Variants in NEK1 observed in about 807,000 individuals in gnomAD.
NEK1 encodes the protein serine/threonine-protein kinase Nek1.
NEK1 carries 137 observed loss-of-function variants against 182.1 expected under a neutral mutation model. The ratio of observed to expected loss-of-function variants is 0.75; its 90% CI spans 0.65 to 0.87. The LOEUF (loss-of-function observed/expected upper bound fraction) is 0.87, where lower values mean the gene tolerates loss of function less well. Among genes scored for constraint, NEK1 ranks in the 40% least tolerant of loss-of-function variants. NEK1 has a pLI of 0.00. For synonymous variants in NEK1, 513 were observed against 492.2 expected (o/e 1.04, Z -0.56); for missense variants, 1,391 against 1,494.4 (o/e 0.93, Z 1.14).
intron 23 of NEK1, among the ~76,000 whole-genome samples, chr4:169,490,155 C>A (rs544979524): frequency 6.6e-6 from 1 of 152,276 alleles, no homozygotes; most frequent in Admixed American, 6.5e-5. Flanking sequence ...ACAGTCATGG[C>A]TAAAGTACCT....
intron 19 of NEK1, among the ~76,000 whole-genome samples, chr4:169,513,959 G>A (rs918066502): frequency 7.7e-6 from 1 of 129,156 alleles, no homozygotes; most frequent in Non-Finnish European, 1.6e-5. Context: ...TTTTATTGAG[G>A]ATTTTTGTTA....
intron 4 of NEK1, among the ~76,000 whole-genome samples, chr4:169,600,397 A>G (rs1030116466): frequency 6.6e-6 from 1 of 151,860 alleles, no homozygotes; most frequent in Non-Finnish European, 1.5e-5. Context: ...CAAACACCCT[A>G]TGTTTCCCAG....
chr4:169,552,587 G>C (rs188814320), intron 18 of NEK1, among the ~76,000 whole-genome samples: 26 of 152,146 alleles, frequency 1.7e-4, no homozygotes, highest in African/African-American at 6.3e-4. Flanking sequence ...GGAAGTTCTA[G>C]CTAATGCAAT....
At chr4:169,510,428 T>A (rs1161883525) in intron 19 of NEK1, among the ~76,000 whole-genome samples, 1 of 152,198 alleles carries the variant, frequency 6.6e-6, no homozygotes, top group Non-Finnish European at 1.5e-5. Flanking sequence ...ATTTGCCTCT[T>A]ACCTACTATA....
chr4:169,541,226 G>C (rs1048650643), intron 18 of NEK1, among the ~76,000 whole-genome samples: 1 of 152,102 alleles, frequency 6.6e-6, no homozygotes, highest in African/African-American at 2.4e-5. Flanking sequence ...CGATGTAATG[G>C]AACGAAACTG....
intron 18 of NEK1, among the ~76,000 whole-genome samples, chr4:169,543,110 T>C (rs184851799): frequency 6.6e-6 from 1 of 152,288 alleles, no homozygotes; most frequent in East Asian, 1.9e-4. Context: ...CTAGGGTTTT[T>C]AGGGTTTTAG....
intron 19 of NEK1, 42 bp from the exon 20 acceptor site, chr4:169,508,894 G>C (rs750615944): frequency 1.9e-5 from 27 of 1,454,484 alleles, no homozygotes; most frequent in Non-Finnish European, 9.4e-6. Flanking sequence ...AATGACTAAG[G>C]CTACATTATT....
chr4:169,457,919 C>G (rs918616647), intron 27 of NEK1, among the ~76,000 whole-genome samples: 1 of 151,868 alleles, frequency 6.6e-6, no homozygotes, highest in African/African-American at 2.4e-5. Flanking sequence ...AATTAAAGAA[C>G]AATAAAGAGA....
chr4:169,588,696 G>A lies in NEK1; in HGVS notation c.504C>T (p.Tyr168=), dbSNP rs988096342. The change falls in exon 8 of 36, where the codon TAC becomes TAT. Residue 168 remains tyrosine, a synonymous_variant. Transcript: ENST00000507142. ...ELARTCIGTP[Y]YLSPEICENK... The stretch of plus-strand genomic sequence containing the variant: ...TTTCACAGATTTCAGGTGACAAGTA[G>A]TATGGGGTCCCTATGCAAGTTCGAG... The A allele has an allele frequency of 1.3e-6, 2 of 1,549,900 alleles. No individual in the cohort carries two copies. The highest frequency in any genetic ancestry group is 2.7e-5 in the African/African-American group (2 of 72,978).
intron 23 of NEK1, among the ~76,000 whole-genome samples, chr4:169,502,509 G>C (rs572042652): frequency 2.0e-5 from 3 of 152,110 alleles, no homozygotes; most frequent in Non-Finnish European, 4.4e-5. Flanking sequence ...ACTAAATCCA[G>C]TAGCACATTA....
chr4:169,571,895 ATTTTT>A (rs57480182), intron 12 of NEK1, among the ~76,000 whole-genome samples: 1 of 137,206 alleles, frequency 7.3e-6, no homozygotes, highest in Admixed American at 7.3e-5. Flanking sequence ...TGCCCAGCTA[ATTTTT>A]TTTTTTTTTT....
intron 31 of NEK1, among the ~76,000 whole-genome samples, chr4:169,422,223 T>C (rs1251214187): frequency 6.6e-6 from 1 of 152,090 alleles, no homozygotes; most frequent in Admixed American, 6.6e-5. Flanking sequence ...GGGAAGTGAA[T>C]GTATGTGGAA....
intron 29 of NEK1, among the ~76,000 whole-genome samples, chr4:169,426,922 A>AG (rs960868212): frequency 6.6e-6 from 1 of 152,082 alleles, no homozygotes; most frequent in Non-Finnish European, 1.5e-5. Flanking sequence ...ATTAAGATTG[A>AG]GGAAAAAAAA....
Position 169,535,812 on chromosome 4 carries a change from G to A in NEK1, c.1665+1997C>T, listed in dbSNP as rs535642673. The stretch of plus-strand genomic sequence containing the variant: ...GGAGAATCACTTGAACCCGGGAGGC[G>A]GAGGTTGCAGTGAGCCGAGACTGCG... On this transcript the variant is annotated intron_variant, in intron 19 of 35. Coordinates refer to ENST00000507142, the MANE Select transcript of NEK1 (RefSeq NM_001199397.3). 7.3e-5 allele frequency among the ~76,000 whole-genome samples: 11 copies of A among 150,718 alleles called. No homozygotes were observed. The East Asian group carries it at 1.8e-3, about 24-fold the overall frequency.
rs942786019 is a variant in NEK1, at chr4:169,393,113, C to T, written c.*1397G>A. On this transcript the variant is annotated 3_prime_UTR_variant, in exon 36 of 36. Transcript: ENST00000507142. Reference sequence around the variant, plus strand: ...ATACACAACCTCCCCAAAATCATGCCCATCTTTCAGGATTGTAAAGAATTA... The same window carrying T: ...ATACACAACCTCCCCAAAATCATGCTCATCTTTCAGGATTGTAAAGAATTA... 3 of 152,104 alleles carry T rather than the reference C, an allele frequency of 2.0e-5. No homozygotes were observed. The highest frequency in any genetic ancestry group is 6.5e-5 in the Admixed American group (1 of 15,270). The allele number at this position is 152,104 out of a possible 1,614,324, so 9.4% of individuals were successfully genotyped here.
rs1733635936 is a variant in NEK1 at position 169,392,814 on chromosome 4, T to C, written c.*1696A>G. ...AAGACAAAGTTATCCTGATAGCCCA[T>C]TTAATGCTAACATTTATTAATCTAC... is the stretch of plus-strand genomic sequence containing the variant. On this transcript the variant is annotated 3_prime_UTR_variant, in exon 36 of 36. Coordinates refer to ENST00000507142, the MANE Select transcript of NEK1 (RefSeq NM_001199397.3). The C allele has an allele frequency of 6.6e-6, 1 of 152,328 alleles. No individual in the cohort carries two copies. Among genetic ancestry groups the C allele is most frequent in the African/African-American group, 2.4e-5 (1 of 41,584 alleles). 9.4% of individuals were successfully genotyped at this position (152,328 alleles called of 1,614,324 possible).
intron 27 of NEK1, among the ~76,000 whole-genome samples, chr4:169,451,764 G>T (rs138870466): frequency 8.7e-4 from 133 of 152,316 alleles, no homozygotes; most frequent in African/African-American, 3.1e-3. Context: ...AAAGCTAGCA[G>T]AAGGTGAGAA....
chr4:169,493,529 C>T (rs921700117), intron 23 of NEK1, among the ~76,000 whole-genome samples: 3 of 151,964 alleles, frequency 2.0e-5, no homozygotes, highest in Non-Finnish European at 4.4e-5. Flanking sequence ...AGTTGAAATC[C>T]AATACAAAGA....
chr4:169,500,720 A>G (rs1171563568), intron 23 of NEK1, among the ~76,000 whole-genome samples: 1 of 152,196 alleles, frequency 6.6e-6, no homozygotes, highest in East Asian at 1.9e-4. Context: ...TTGCTAAGAG[A>G]ATTTGTCACC....
Sources: gnomAD v4.1 joint callset for allele counts (sites outside exome capture counted in the v4.1 genomes callset) on GRCh38, gnomAD v4.1.1 for gene constraint, MANE v1.5 for transcripts, NCBI Gene and HGNC (gene_info 2026-07-23, HGNC 2026-07-21) for gene names.